KCNK1: variants seen among roughly 807,000 people sequenced by gnomAD.
KCNK1 encodes the protein potassium two pore domain channel subfamily K member 1, also known as potassium channel subfamily K member 1.
In KCNK1, 10 loss-of-function variants were observed where a neutral mutation model predicts 22.2. The ratio of observed to expected loss-of-function variants is 0.45; its 90% CI spans 0.28 to 0.76. The LOEUF (loss-of-function observed/expected upper bound fraction) is 0.76, where lower values mean the gene tolerates loss of function less well. Among genes scored for constraint, KCNK1 ranks in the 30% least tolerant of loss-of-function variants. The probability of loss-of-function intolerance (pLI) is 0.14; values close to 1 mark genes in which losing one functional copy is unlikely to be tolerated. For synonymous variants in KCNK1, 200 were observed against 186.4 expected (o/e 1.07, Z -0.60); for missense variants, 378 against 421.0 (o/e 0.90, Z 0.89).
At chr1:233,628,118 T>A (rs1015605010) in intron 1 of KCNK1, among the ~76,000 whole-genome samples, 3 of 152,100 alleles carry the variant, frequency 2.0e-5, no homozygotes, top group African/African-American at 7.2e-5. Context: ...AGTGTCCCAG[T>A]CTCTACACAA....
intron 1 of KCNK1, among the ~76,000 whole-genome samples, chr1:233,660,015 A>G (rs77971702): frequency 0.013 from 1,958 of 152,364 alleles, 41 homozygotes; most frequent in African/African-American, 0.045. Context: ...AGCCATCTCC[A>G]GGATATACTG....
chr1:233,653,674 T>C (rs1658238121), intron 1 of KCNK1, among the ~76,000 whole-genome samples: 1 of 152,290 alleles, frequency 6.6e-6, no homozygotes, highest in Admixed American at 6.5e-5. Context: ...GGGAGTTATG[T>C]CATTGGCCTC....
At chr1:233,622,799 T>G (rs1031578026) in intron 1 of KCNK1, among the ~76,000 whole-genome samples, 1 of 152,182 alleles carries the variant, frequency 6.6e-6, no homozygotes, top group South Asian at 2.1e-4. Context: ...AAACAGCTGA[T>G]TGTTATATTG....
At chr1:233,638,015 G>A (rs1657933414) in intron 1 of KCNK1, among the ~76,000 whole-genome samples, 1 of 149,834 alleles carries the variant, frequency 6.7e-6, no homozygotes, top group Admixed American at 6.7e-5. Context: ...AAAAAACACA[G>A]GGTTGTCCTC....
chr1:233,651,604 T>C (rs1658203075), intron 1 of KCNK1, among the ~76,000 whole-genome samples: 1 of 152,226 alleles, frequency 6.6e-6, no homozygotes, highest in South Asian at 2.1e-4. Flanking sequence ...AGGGGCATAC[T>C]AGAACATAGT....
At chr1:233,625,177 G>A (rs763893556) in intron 1 of KCNK1, among the ~76,000 whole-genome samples, 1 of 152,110 alleles carries the variant, frequency 6.6e-6, no homozygotes, top group Non-Finnish European at 1.5e-5. Flanking sequence ...AATAGGATTG[G>A]ACCAAAAGGG....
intron 1 of KCNK1, among the ~76,000 whole-genome samples, chr1:233,658,603 T>C (rs954796796): frequency 2.6e-5 from 4 of 152,224 alleles, no homozygotes; most frequent in African/African-American, 9.6e-5. Flanking sequence ...GGATACGTTC[T>C]GAGAAATGCA....
At chr1:233,614,935 C>T (rs1381502990) in intron 1 of KCNK1, among the ~76,000 whole-genome samples, 4 of 152,188 alleles carry the variant, frequency 2.6e-5, no homozygotes, top group African/African-American at 7.2e-5. Flanking sequence ...GGCCGCCGTG[C>T]GGCAAGGCAG....
At chr1:233,622,254 G>A (rs1317848705) in intron 1 of KCNK1, among the ~76,000 whole-genome samples, 3 of 152,178 alleles carry the variant, frequency 2.0e-5, no homozygotes, top group African/African-American at 7.2e-5. Context: ...TACAAGGTTG[G>A]TTTCAGGGAC....
Position 233,666,435 on chromosome 1 carries a change from A to G in KCNK1, c.356-160A>G, listed in dbSNP as rs111449040. ...GACCACTGTTGAATTTTACTGGGAC[A>G]TGACAATTATACTAGAGCCCCTAAA... On this transcript the variant is annotated intron_variant, in intron 1 of 2. Coordinates refer to ENST00000366621, the MANE Select transcript of KCNK1 (RefSeq NM_002245.4). Among the ~76,000 whole-genome samples the G allele has an allele frequency of 3.6e-3, 548 of 152,338 alleles. 1 individual carries two copies. The highest frequency in any genetic ancestry group is 5.4e-3 in the Non-Finnish European group (365 of 68,028).
At chr1:233,657,420 C>T (rs1161359833) in intron 1 of KCNK1, among the ~76,000 whole-genome samples, 3 of 152,128 alleles carry the variant, frequency 2.0e-5, no homozygotes, top group African/African-American at 7.2e-5. Context: ...GGTCATGTTC[C>T]TGTGCTACCA....
chr1:233,629,508 C>G (rs1327487306), intron 1 of KCNK1: 2 of 152,306 alleles, frequency 1.3e-5, no homozygotes, highest in Non-Finnish European at 2.9e-5. Flanking sequence ...CAGCAGCAGG[C>G]GACAGGCACT....
At chr1:233,657,690 G>C (rs979267141) in intron 1 of KCNK1, among the ~76,000 whole-genome samples, 9 of 146,538 alleles carry the variant, frequency 6.1e-5, no homozygotes, top group Admixed American at 2.1e-4. Flanking sequence ...AGAAAGAAAA[G>C]AAAGAAAGAG....
At chr1:233,641,961 A>C (rs1489545791) in intron 1 of KCNK1, among the ~76,000 whole-genome samples, 1 of 152,220 alleles carries the variant, frequency 6.6e-6, no homozygotes, top group Non-Finnish European at 1.5e-5. Flanking sequence ...TGTTGATATC[A>C]GTTCCTCTGG....
At chr1:233,659,418 ATT>A (rs1658353315) in intron 1 of KCNK1, among the ~76,000 whole-genome samples, 1 of 148,928 alleles carries the variant, frequency 6.7e-6, no homozygotes, top group Non-Finnish European at 1.5e-5. Flanking sequence ...CATTTTTTTT[ATT>A]TTAAATATTT....
chr1:233,629,452 C>T (rs901889653), intron 1 of KCNK1: 1 of 152,222 alleles, frequency 6.6e-6, no homozygotes, highest in African/African-American at 2.4e-5. Flanking sequence ...CTTAGAGAGA[C>T]CGTGAGGGTG....
intron 1 of KCNK1, among the ~76,000 whole-genome samples, chr1:233,621,881 C>T (rs1175100987): frequency 6.6e-6 from 1 of 151,682 alleles, no homozygotes; most frequent in Admixed American, 6.6e-5. Context: ...TTTGATTGAA[C>T]CAGTATCCTA....
At chr1:233,648,828 A>T (rs180685217) in intron 1 of KCNK1, among the ~76,000 whole-genome samples, 1 of 152,094 alleles carries the variant, frequency 6.6e-6, no homozygotes, top group Non-Finnish European at 1.5e-5. Flanking sequence ...TGGCCCCCCA[A>T]AGTGCTGGGA....
At chr1:233,620,878 C>A (rs1014074052) in intron 1 of KCNK1, among the ~76,000 whole-genome samples, 1 of 152,106 alleles carries the variant, frequency 6.6e-6, no homozygotes, top group Non-Finnish European at 1.5e-5. Context: ...CTTTATTGAA[C>A]CCTTTATATG....
Sources: allele counts gnomAD v4.1 joint callset (sites outside exome capture counted in the v4.1 genomes callset), GRCh38; gene constraint gnomAD v4.1.1; transcripts MANE v1.5; gene names NCBI Gene and HGNC (gene_info 2026-07-23, HGNC 2026-07-21).